Variants in ROBO1 observed in about 807,000 individuals in gnomAD.
ROBO1 encodes roundabout homolog 1.
A neutral mutation model predicts 195.9 loss-of-function variants in ROBO1; 149 were observed. The observed-to-expected ratio is 0.76, with a 90% CI of 0.67 to 0.87. The LOEUF (loss-of-function observed/expected upper bound fraction) is 0.87. Among genes scored for constraint, ROBO1 ranks in the 40% least tolerant of loss-of-function variants. ROBO1 has a pLI of 0.00. For synonymous variants in ROBO1, 816 were observed against 733.2 expected (o/e 1.11, Z -1.82); for missense variants, 1,933 against 2,068.3 (o/e 0.93, Z 1.27).
chr3:79,248,369 C>G (rs967896385), intron 2 of ROBO1, among the ~76,000 whole-genome samples: 11 of 33,734 alleles, frequency 3.3e-4, no homozygotes, highest in Non-Finnish European at 2.1e-4. Context: ...GATGGGAAGA[C>G]AGACCAAAAA....
intron 2 of ROBO1, among the ~76,000 whole-genome samples, chr3:79,239,678 A>G (rs1396884558): frequency 1.3e-5 from 2 of 152,100 alleles, no homozygotes; most frequent in Non-Finnish European, 2.9e-5. Context: ...TGCTGTGAGC[A>G]CTCTCTGAAT....
chr3:78,614,810 A>G lies in ROBO1; in HGVS notation c.4283-10T>C, dbSNP rs1158416819. 1.5e-6 allele frequency: 2 copies of G among 1,371,372 alleles called. No individual in the cohort carries two copies. The highest frequency in any genetic ancestry group is 2.2e-5 in the Admixed American group (1 of 44,518). The allele number at this position is 1,371,372 out of a possible 1,614,324, so 85.0% of individuals were successfully genotyped here. A position where few individuals can be genotyped will look rare whatever the true frequency, so the allele number is the denominator to read the frequency against. On this transcript the variant is annotated splice_polypyrimidine_tract_variant and intron_variant, in intron 27 of 30. Coordinates refer to ENST00000464233, the MANE Select transcript of ROBO1 (RefSeq NM_002941.4). ...TGAAAATGTCGACGGCCTAAGGAGA[A>G]AAAAAAAAAAAATCCAAGCCAAACT...
At chr3:79,332,809 G>A (rs2034500761) in intron 2 of ROBO1, among the ~76,000 whole-genome samples, 1 of 152,210 alleles carries the variant, frequency 6.6e-6, no homozygotes, top group Admixed American at 6.5e-5. Flanking sequence ...TTTCTAAGGT[G>A]TTCTTGGCAC....
intron 4 of ROBO1, among the ~76,000 whole-genome samples, chr3:78,857,953 T>C (rs146452558): frequency 6.6e-6 from 1 of 152,282 alleles, no homozygotes; most frequent in East Asian, 1.9e-4. Context: ...AATCTTACAA[T>C]GCCTCAAGGT....
intron 4 of ROBO1, among the ~76,000 whole-genome samples, chr3:78,849,591 T>A (rs1390800255): frequency 6.6e-6 from 1 of 151,932 alleles, no homozygotes; most frequent in Admixed American, 6.6e-5. Flanking sequence ...GAATGTTGTC[T>A]TTGTGTCATT....
At chr3:79,333,262 CTTGA>C (rs926274082) in intron 2 of ROBO1, among the ~76,000 whole-genome samples, 4 of 151,524 alleles carry the variant, frequency 2.6e-5, no homozygotes, top group African/African-American at 9.7e-5. Context: ...AGATTTTCTT[CTTGA>C]TTATTTTTGG....
chr3:78,700,031 C>T (rs1283835515), intron 8 of ROBO1, among the ~76,000 whole-genome samples: 1 of 152,102 alleles, frequency 6.6e-6, no homozygotes, highest in East Asian at 1.9e-4. Flanking sequence ...TTTTATGTTG[C>T]TCCAAAATTA....
At chr3:79,588,641 T>C (rs1943903479) in intron 2 of ROBO1, among the ~76,000 whole-genome samples, 2 of 151,758 alleles carry the variant, frequency 1.3e-5, no homozygotes, top group African/African-American at 4.8e-5. Flanking sequence ...ATGTATGATG[T>C]TTTCTTTGAT....
chr3:78,713,868 T>G (rs1265059118), intron 8 of ROBO1, among the ~76,000 whole-genome samples: 1 of 152,250 alleles, frequency 6.6e-6, no homozygotes, highest in Non-Finnish European at 1.5e-5. Context: ...TGAGTGTTTG[T>G]TATGATGCAG....
intron 2 of ROBO1, among the ~76,000 whole-genome samples, chr3:79,539,321 C>T (rs962498359): frequency 1.1e-4 from 17 of 151,670 alleles, no homozygotes; most frequent in East Asian, 5.8e-4. Context: ...TGCACATAAA[C>T]GTTATTTGAA....
At chr3:79,413,303 G>A (rs1431567112) in intron 2 of ROBO1, among the ~76,000 whole-genome samples, 2 of 152,060 alleles carry the variant, frequency 1.3e-5, no homozygotes, top group Non-Finnish European at 2.9e-5. Flanking sequence ...CAAATAGGTA[G>A]AATAAATGAT....
intron 2 of ROBO1, among the ~76,000 whole-genome samples, chr3:79,208,187 G>A (rs1319465049): frequency 6.6e-6 from 1 of 152,094 alleles, no homozygotes. Flanking sequence ...CTTCTCTCCA[G>A]TATCACTCAT....
intron 3 of ROBO1, among the ~76,000 whole-genome samples, chr3:79,110,621 CTTTTT>C (rs397877079): frequency 7.8e-6 from 1 of 127,926 alleles, no homozygotes; most frequent in African/African-American, 3.0e-5. Context: ...AGGGAAATAA[CTTTTT>C]TTTTTTTTTT....
chr3:79,484,653 G>A (rs1479133971), intron 2 of ROBO1, among the ~76,000 whole-genome samples: 1 of 151,126 alleles, frequency 6.6e-6, no homozygotes, highest in Non-Finnish European at 1.5e-5. Flanking sequence ...GCACGTGATA[G>A]TTCTCTCCTG....
In ROBO1 at chr3:78,788,254, T is replaced by G. The variant is rs368180794; in HGVS notation, c.500-41354A>C. Among the ~76,000 whole-genome samples, 126 of 151,252 alleles carry G rather than the reference T, an allele frequency of 8.3e-4. No homozygotes were observed. In the East Asian group the frequency reaches 0.014, roughly 16 times the overall value. ...CCTCAGCCTCCCGAGTAGCTGGGGC[T>G]AAAGGCGCCCGCCACCACGCCCAGA... On this transcript the variant is annotated intron_variant, in intron 4 of 30. Coordinates refer to ENST00000464233, the MANE Select transcript of ROBO1 (RefSeq NM_002941.4).
chr3:78,963,881 A>G (rs77722956), intron 3 of ROBO1, among the ~76,000 whole-genome samples: 25,402 of 152,042 alleles, frequency 0.17, 3,417 homozygotes, highest in African/African-American at 0.38. Flanking sequence ...CAAAATAGTG[A>G]ATGTATTAGT....
intron 3 of ROBO1, among the ~76,000 whole-genome samples, chr3:79,000,934 T>C (rs963075569): frequency 1.3e-5 from 2 of 152,162 alleles, no homozygotes; most frequent in African/African-American, 2.4e-5. Flanking sequence ...TGGAATACTA[T>C]GCAGCCATAT....
At chr3:79,461,343 G>C (rs1397604178) in intron 2 of ROBO1, among the ~76,000 whole-genome samples, 2 of 152,034 alleles carry the variant, frequency 1.3e-5, no homozygotes, top group African/African-American at 4.8e-5. Context: ...GGTGAATGGG[G>C]GTTCCCATCT....
At chr3:78,936,087 A>T (rs1359729144) in intron 4 of ROBO1, among the ~76,000 whole-genome samples, 1 of 152,058 alleles carries the variant, frequency 6.6e-6, no homozygotes, top group East Asian at 1.9e-4. Flanking sequence ...AATCCCCCAA[A>T]TAACTGATAA....
Sources: gnomAD v4.1 joint callset for allele counts (sites outside exome capture counted in the v4.1 genomes callset) on GRCh38, gnomAD v4.1.1 for gene constraint, MANE v1.5 for transcripts, NCBI Gene and HGNC (gene_info 2026-07-23, HGNC 2026-07-21) for gene names.